Variants in CTNNA2 observed in about 807,000 individuals in gnomAD.
CTNNA2 encodes the protein catenin alpha-2.
A neutral mutation model predicts 101.0 loss-of-function variants in CTNNA2; 42 were observed. That is an observed-to-expected ratio of 0.42 (90% CI 0.32 to 0.54). The LOEUF (loss-of-function observed/expected upper bound fraction) is 0.54. Ranked by LOEUF, CTNNA2 falls within the 20% of genes least tolerant of loss-of-function variation. The pLI is 0.14. For missense variants in CTNNA2, 871 were observed against 1,223.1 expected, an observed-to-expected ratio of 0.71 and a Z score of 4.29; for synonymous variants, 450 against 456.4, an observed-to-expected ratio of 0.99 and a Z score of 0.18.
chr2:79,274,225 C>A (rs1675155690), intron 2 of CTNNA2, among the ~76,000 whole-genome samples: 3 of 150,784 alleles, frequency 2.0e-5, no homozygotes, highest in African/African-American at 7.3e-5. Flanking sequence ...CTCAACCTCA[C>A]TATTTTAAAG....
At chr2:80,007,365 TTATAAATATCTACATATTTATCC>T (rs1218320998) in intron 7 of CTNNA2, among the ~76,000 whole-genome samples, 1 of 152,206 alleles carries the variant, frequency 6.6e-6, no homozygotes, top group Non-Finnish European at 1.5e-5. Flanking sequence ...CTTGAAGATA[TTATAAATATCTACATATTTATCC>T]ATGAGAAGAA....
At chr2:80,069,643 CAT>C (rs887748635) in intron 7 of CTNNA2, among the ~76,000 whole-genome samples, 1 of 151,968 alleles carries the variant, frequency 6.6e-6, no homozygotes, top group Non-Finnish European at 1.5e-5. Context: ...AAAGTCAAAA[CAT>C]ATTATGTGAT....
chr2:79,187,270 C>CTTTT lies in CTNNA2; in HGVS notation c.-524+1853_-524+1856dup, dbSNP rs781414965. Among the ~76,000 whole-genome samples, 15 of 65,436 alleles carry CTTTT rather than the reference C, an allele frequency of 2.3e-4. 1 individual carries two copies. Among genetic ancestry groups the CTTTT allele is most frequent in the African/African-American group, 4.3e-4 (6 of 13,954 alleles). The allele number at this position is 65,436 out of a possible 152,430, so 42.9% of individuals were successfully genotyped here. A position where few individuals can be genotyped will look rare whatever the true frequency, so the allele number is the denominator to read the frequency against. On this transcript the variant is annotated intron_variant, in intron 1 of 21. Coordinates refer to the CTNNA2 transcript ENST00000466387. Reference sequence around the variant, plus strand: ...CTTTTCTTTTCTTTTCTTTTCTTTTCTTTTTTTTTTTTTTTTTGAGACAGA... The same window carrying CTTTT: ...CTTTTCTTTTCTTTTCTTTTCTTTTCTTTTTTTTTTTTTTTTTTTTTGAGACAGA...
chr2:80,277,674 A>G (rs1332020299), intron 7 of CTNNA2, among the ~76,000 whole-genome samples: 1 of 152,114 alleles, frequency 6.6e-6, no homozygotes, highest in Non-Finnish European at 1.5e-5. Flanking sequence ...AATGTGAGAC[A>G]GGAATAAGTT....
At chr2:80,246,238 T>C (rs1671322102) in intron 7 of CTNNA2, among the ~76,000 whole-genome samples, 1 of 152,148 alleles carries the variant, frequency 6.6e-6, no homozygotes, top group Admixed American at 6.5e-5. Flanking sequence ...TTGTGAATGG[T>C]CTCACAAGAA....
intron 7 of CTNNA2, among the ~76,000 whole-genome samples, chr2:80,379,148 G>C (rs1401536503): frequency 6.6e-6 from 1 of 151,988 alleles, no homozygotes; most frequent in Non-Finnish European, 1.5e-5. Flanking sequence ...GTGTAGACAG[G>C]TTTACAAGCA....
chr2:80,364,749 G>C (rs973679029), intron 7 of CTNNA2, among the ~76,000 whole-genome samples: 3 of 152,012 alleles, frequency 2.0e-5, no homozygotes, highest in African/African-American at 4.8e-5. Flanking sequence ...AGCCTGCAGA[G>C]AATCCTTTTG....
At chr2:79,498,911 A>G (rs932519016) in intron 4 of CTNNA2, 1 of 152,164 alleles carries the variant, frequency 6.6e-6, no homozygotes, top group Non-Finnish European at 1.5e-5. Context: ...AAAGAATGAT[A>G]TTTTCTTCCA....
At position 79,909,709 on chromosome 2, in the gene CTNNA2, C is replaced by G; in HGVS notation, c.968C>G (p.Thr323Arg). 1 of 1,613,970 alleles carries G rather than the reference C, an allele frequency of 6.2e-7. No individual in the cohort carries two copies. The highest frequency in any genetic ancestry group is 8.5e-7 in the Non-Finnish European group (1 of 1,179,942). Residue 323 changes from threonine to arginine, a missense_variant, in exon 7 of 19, where the codon ACG becomes AGG. Thr to Arg is a moderately conservative substitution (Grantham distance 71). This residue lies in a region of CTNNA2 where 647 missense variants were observed against 831.5 expected (regional missense o/e 0.78). Coordinates refer to ENST00000402739, the MANE Select transcript of CTNNA2 (RefSeq NM_001282597.3). ...GAALMADSSCTRDDRRERIVA... is the reference protein window; with the variant it reads ...GAALMADSSCRRDDRRERIVA... ...GCGCTGATGGCCGACTCCTCCTGCA[C>G]GCGAGACGACCGGCGCGAGAGGATC...
intron 4 of CTNNA2, among the ~76,000 whole-genome samples, chr2:79,427,493 C>T (rs2104507303): frequency 6.6e-6 from 1 of 152,072 alleles, no homozygotes; most frequent in South Asian, 2.1e-4. Flanking sequence ...AATGAATCTA[C>T]TCTATTCATG....
At chr2:79,982,326 C>G (rs1436378214) in intron 7 of CTNNA2, among the ~76,000 whole-genome samples, 2 of 129,822 alleles carry the variant, frequency 1.5e-5, no homozygotes, top group African/African-American at 6.0e-5. Context: ...ACATATATAA[C>G]ACACATATAA....
chr2:79,188,320 G>T (rs1673809199), intron 1 of CTNNA2, among the ~76,000 whole-genome samples: 2 of 152,014 alleles, frequency 1.3e-5, no homozygotes, highest in South Asian at 4.2e-4. Context: ...TTCCTAAATT[G>T]GTCGTGCTGA....
intron 6 of CTNNA2, among the ~76,000 whole-genome samples, chr2:79,874,972 G>T (rs1682897242): frequency 6.6e-6 from 1 of 152,154 alleles, no homozygotes; most frequent in African/African-American, 2.4e-5. Flanking sequence ...CCTCTATGTT[G>T]TGCCTGCGTG....
chr2:79,567,770 C>T (rs1675205835), intron 1 of CTNNA2, among the ~76,000 whole-genome samples: 2 of 152,020 alleles, frequency 1.3e-5, no homozygotes, highest in South Asian at 4.1e-4. Context: ...CACAATACAG[C>T]ATAGTGGGAA....
chr2:80,504,530 C>T (rs78125953), intron 9 of CTNNA2, among the ~76,000 whole-genome samples: 4,710 of 152,122 alleles, frequency 0.031, 189 homozygotes, highest in East Asian at 0.15. Flanking sequence ...CACCAGAGTG[C>T]GGGAACCTTG....
At chr2:79,659,034 A>G (rs1281682159) in intron 2 of CTNNA2, among the ~76,000 whole-genome samples, 1 of 151,940 alleles carries the variant, frequency 6.6e-6, no homozygotes, top group Non-Finnish European at 1.5e-5. Flanking sequence ...TTTATATTTA[A>G]TTTATTATAA....
At chr2:79,987,306 A>G (rs538755042) in intron 7 of CTNNA2, among the ~76,000 whole-genome samples, 4 of 152,222 alleles carry the variant, frequency 2.6e-5, no homozygotes, top group East Asian at 1.9e-4. Context: ...ATCTTCCTTT[A>G]TCTCCAGCTT....
intron 7 of CTNNA2, among the ~76,000 whole-genome samples, chr2:80,097,728 C>G (rs1195500978): frequency 6.6e-6 from 1 of 152,102 alleles, no homozygotes; most frequent in Non-Finnish European, 1.5e-5. Flanking sequence ...TTTCTCTAAA[C>G]TTCTCTTCTC....
intron 4 of CTNNA2, among the ~76,000 whole-genome samples, chr2:79,424,762 C>T (rs952810816): frequency 4.6e-5 from 7 of 151,954 alleles, no homozygotes; most frequent in East Asian, 1.9e-4. Context: ...TCCATGACAA[C>T]GAGTGGGTCA....
Sources: gnomAD v4.1 joint callset for allele counts (sites outside exome capture counted in the v4.1 genomes callset) on GRCh38, gnomAD v4.1.1 for gene constraint, gnomAD v4.1.1 regional missense constraint, MANE v1.5 for transcripts, NCBI Gene and HGNC (gene_info 2026-07-23, HGNC 2026-07-21) for gene names.